Variants in GPD2 observed in about 807,000 individuals in gnomAD.
GPD2 encodes the protein glycerol-3-phosphate dehydrogenase 2.
Under a neutral mutation model 82.4 loss-of-function variants are expected in GPD2, and 54 were observed. That is an observed-to-expected ratio of 0.66 (90% CI 0.53 to 0.82). GPD2 has a LOEUF of 0.82. Among genes scored for constraint, GPD2 ranks in the 40% least tolerant of loss-of-function variants. GPD2 has a pLI of 0.00. For missense variants in GPD2, 748 were observed against 896.2 expected, an observed-to-expected ratio of 0.83 and a Z score of 2.11; for synonymous variants, 288 against 306.1, an observed-to-expected ratio of 0.94 and a Z score of 0.62.
chr2:156,541,143 G>A (rs1686294363), intron 6 of GPD2, among the ~76,000 whole-genome samples: 1 of 152,150 alleles, frequency 6.6e-6, no homozygotes, highest in African/African-American at 2.4e-5. Context: ...TCCTTCCACA[G>A]CTGAGAGATC....
the GPD2 span, among the ~76,000 whole-genome samples, chr2:156,423,553 T>A: frequency 6.6e-6 from 1 of 152,350 alleles, no homozygotes; most frequent in South Asian, 2.1e-4. Flanking sequence ...GTTCCACATC[T>A]ATTTTCTGCT....
intron 2 of GPD2, chr2:156,495,540 C>T (rs1684337312): frequency 9.4e-6 from 4 of 427,672 alleles, no homozygotes; most frequent in South Asian, 3.6e-5. Flanking sequence ...CTGACTTTAA[C>T]TTATGTACCC....
intron 1 of GPD2, among the ~76,000 whole-genome samples, chr2:156,438,717 C>G (rs1558898374): frequency 6.6e-6 from 1 of 152,178 alleles, no homozygotes; most frequent in Non-Finnish European, 1.5e-5. Context: ...GACTAGAAAT[C>G]AAATATATGA....
intron 9 of GPD2, among the ~76,000 whole-genome samples, chr2:156,568,572 C>G (rs1687474812): frequency 6.6e-6 from 1 of 152,020 alleles, no homozygotes; most frequent in African/African-American, 2.4e-5. Context: ...CTTTTGCTTC[C>G]TCTGTGGTAT....
intron 12 of GPD2, 100 bp downstream of exon 12, chr2:156,570,318 C>T (rs1473651965): frequency 1.5e-5 from 16 of 1,038,240 alleles, no homozygotes; most frequent in South Asian, 2.6e-5. Flanking sequence ...AGTTTTAATG[C>T]ACATATGTCA....
At chr2:156,415,597 T>C in the GPD2 span, among the ~76,000 whole-genome samples, 3 of 151,968 alleles carry the variant, frequency 2.0e-5, no homozygotes, top group African/African-American at 4.8e-5. Flanking sequence ...GGCTCATGCC[T>C]ATAATCCCAG....
At position 156,583,997 on chromosome 2, in the gene GPD2, A is replaced by T. The variant is rs575926026; in HGVS notation, c.*1079A>T. 7.9e-5 allele frequency: 12 copies of T among 152,164 alleles called. No individual in the cohort carries two copies. The South Asian group carries it at 1.5e-3, about 18-fold the overall frequency. 9.4% of individuals were successfully genotyped at this position (152,164 alleles called of 1,614,324 possible). A position where few individuals can be genotyped will look rare whatever the true frequency, so the allele number is the denominator to read the frequency against. ...TTTAATTATAATTATATGTTAAATA[A>T]GGCACATAACCAGTTTCCAAGGTCA... On this transcript the variant is annotated 3_prime_UTR_variant, in exon 17 of 17. Coordinates refer to ENST00000438166, the MANE Select transcript of GPD2 (RefSeq NM_000408.5).
At chr2:156,540,764 A>G (rs1043932414) in intron 6 of GPD2, among the ~76,000 whole-genome samples, 1 of 152,206 alleles carries the variant, frequency 6.6e-6, no homozygotes, top group Non-Finnish European at 1.5e-5. Context: ...CCTATCCTTC[A>G]TGACATACAG....
intron 13 of GPD2, among the ~76,000 whole-genome samples, chr2:156,575,903 G>A (rs1304765940): frequency 1.3e-5 from 2 of 152,178 alleles, no homozygotes; most frequent in Non-Finnish European, 2.9e-5. Context: ...AGTCTACCTT[G>A]ATTCAAATGG....
intron 6 of GPD2, among the ~76,000 whole-genome samples, chr2:156,542,168 C>T (rs941719035): frequency 1.3e-5 from 2 of 152,058 alleles, no homozygotes; most frequent in African/African-American, 4.8e-5. Flanking sequence ...GACCACAGAT[C>T]CACCCCGATT....
chr2:156,559,340 G>T lies in GPD2; in HGVS notation c.1165+1758G>T, dbSNP rs189906481. On this transcript the variant is annotated intron_variant, in intron 9 of 16. Coordinates refer to ENST00000438166, the MANE Select transcript of GPD2 (RefSeq NM_000408.5). ...TTTGAATTAAAATAAGTTAGTTATGGATTCATGGTTTTTGATATGGTAGCC... is the reference window on the plus strand; with the variant it reads ...TTTGAATTAAAATAAGTTAGTTATGTATTCATGGTTTTTGATATGGTAGCC... Among the ~76,000 whole-genome samples, 116 of 152,168 alleles carry T rather than the reference G, an allele frequency of 7.6e-4. No homozygotes were observed. The Middle Eastern group carries it at 0.01, about 13-fold the overall frequency.
At chr2:156,546,332 AATGGC>A (rs1686532935) in intron 6 of GPD2, among the ~76,000 whole-genome samples, 1 of 152,204 alleles carries the variant, frequency 6.6e-6, no homozygotes, top group Admixed American at 6.5e-5. Context: ...ATCACATTCC[AATGGC>A]ATGCAGTGTT....
intron 6 of GPD2, among the ~76,000 whole-genome samples, chr2:156,521,213 A>G (rs769869479): frequency 6.6e-6 from 1 of 152,246 alleles, no homozygotes; most frequent in Non-Finnish European, 1.5e-5. Context: ...AAACTGAACA[A>G]CACAGATGAA....
At chr2:156,414,668 AAG>A in the GPD2 span, among the ~76,000 whole-genome samples, 4 of 152,314 alleles carry the variant, frequency 2.6e-5, no homozygotes, top group East Asian at 5.8e-4. Context: ...GTTATTAAAA[AAG>A]AAATAAACTT....
At chr2:156,575,464 G>A (rs1289299057) in intron 13 of GPD2, among the ~76,000 whole-genome samples, 1 of 137,858 alleles carries the variant, frequency 7.3e-6, no homozygotes, top group African/African-American at 2.7e-5. Flanking sequence ...GTGCAGTGAT[G>A]TGATCATGGC....
At chr2:156,460,423 T>G (rs1171159713) in intron 1 of GPD2, among the ~76,000 whole-genome samples, 1 of 152,194 alleles carries the variant, frequency 6.6e-6, no homozygotes, top group Non-Finnish European at 1.5e-5. Context: ...AGGCCAGGCA[T>G]CCTCAAGATT....
At chr2:156,539,136 G>A (rs1389498181) in intron 6 of GPD2, among the ~76,000 whole-genome samples, 1 of 152,158 alleles carries the variant, frequency 6.6e-6, no homozygotes, top group African/African-American at 2.4e-5. Flanking sequence ...AACAAAAGGA[G>A]AAGGAAGGTA....
chr2:156,522,530 T>C (rs978980056), intron 6 of GPD2, among the ~76,000 whole-genome samples: 3 of 152,204 alleles, frequency 2.0e-5, no homozygotes, highest in African/African-American at 7.2e-5. Flanking sequence ...CTTTGTCCAC[T>C]CTTCTCTTGA....
the GPD2 span, among the ~76,000 whole-genome samples, chr2:156,400,848 C>T: frequency 8.5e-5 from 13 of 152,190 alleles, no homozygotes; most frequent in South Asian, 2.1e-4. Flanking sequence ...CCAAATCAGC[C>T]GACGTTTGCT....
Sources: gnomAD v4.1 joint callset for allele counts (sites outside exome capture counted in the v4.1 genomes callset) on GRCh38, gnomAD v4.1.1 for gene constraint, MANE v1.5 for transcripts, NCBI Gene and HGNC (gene_info 2026-07-23, HGNC 2026-07-21) for gene names.